Variants in ROBO2 observed in about 807,000 individuals in gnomAD.
ROBO2 encodes the protein roundabout guidance receptor 2.
Under a neutral mutation model 160.8 loss-of-function variants are expected in ROBO2, and 53 were observed. The ratio of observed to expected loss-of-function variants is 0.33; its 90% CI spans 0.26 to 0.41. The LOEUF (loss-of-function observed/expected upper bound fraction) is 0.41, where lower values mean the gene tolerates loss of function less well. ROBO2 is among the 10% of genes least tolerant of loss of function. ROBO2 has a pLI of 1.00. For missense variants in ROBO2, 1,577 were observed against 1,722.4 expected (o/e 0.92, Z 1.49); for synonymous variants, 664 against 611.7 (o/e 1.09, Z -1.26).
intron 2 of ROBO2, among the ~76,000 whole-genome samples, chr3:76,621,907 T>C (rs953085253): frequency 5.3e-5 from 8 of 152,142 alleles, no homozygotes; most frequent in African/African-American, 1.9e-4. Flanking sequence ...ACTATACAAA[T>C]ATCTCAGTGA....
intron 2 of ROBO2, among the ~76,000 whole-genome samples, chr3:76,421,736 A>AAG (rs1491301511): frequency 1.3e-5 from 2 of 151,508 alleles, no homozygotes; most frequent in African/African-American, 4.8e-5. Context: ...AAAAAAAAAA[A>AAG]GAAGATGGCA....
intron 2 of ROBO2, among the ~76,000 whole-genome samples, chr3:76,090,771 C>T (rs1261097595): frequency 1.3e-5 from 2 of 152,022 alleles, no homozygotes; most frequent in Non-Finnish European, 2.9e-5. Flanking sequence ...CGGAACGGAA[C>T]GGGAGAGCCC....
At chr3:76,899,634 A>T (rs971534837) in intron 2 of ROBO2, among the ~76,000 whole-genome samples, 4 of 152,076 alleles carry the variant, frequency 2.6e-5, no homozygotes, top group African/African-American at 9.7e-5. Flanking sequence ...TTTTTCATTT[A>T]TTAATCAAAC....
At chr3:77,106,897 G>A (rs1052952804) in intron 2 of ROBO2, among the ~76,000 whole-genome samples, 3 of 152,152 alleles carry the variant, frequency 2.0e-5, no homozygotes, top group African/African-American at 7.2e-5. Flanking sequence ...CCCCAGGTTG[G>A]GTTGTTTCTC....
intron 2 of ROBO2, among the ~76,000 whole-genome samples, chr3:77,268,794 T>C (rs1357829144): frequency 6.6e-6 from 1 of 152,192 alleles, no homozygotes; most frequent in Non-Finnish European, 1.5e-5. Context: ...TCCCCTTTTC[T>C]GGGCATGGCT....
At chr3:76,309,401 T>C (rs1210870844) in intron 2 of ROBO2, among the ~76,000 whole-genome samples, 2 of 152,240 alleles carry the variant, frequency 1.3e-5, no homozygotes, top group Non-Finnish European at 1.5e-5. Flanking sequence ...AGGGTGATTA[T>C]TGTTTCTAAA....
chr3:75,966,609 C>T (rs1559790461), intron 2 of ROBO2, among the ~76,000 whole-genome samples: 1 of 151,716 alleles, frequency 6.6e-6, no homozygotes, highest in East Asian at 2.0e-4. Context: ...TGGGTTTTCT[C>T]ACACAGAAAA....
At chr3:76,522,777 A>G (rs2081701949) in intron 2 of ROBO2, among the ~76,000 whole-genome samples, 1 of 152,014 alleles carries the variant, frequency 6.6e-6, no homozygotes, top group South Asian at 2.1e-4. Context: ...TTGATTATCA[A>G]TTGTTTCTCT....
intron 2 of ROBO2, among the ~76,000 whole-genome samples, chr3:76,671,447 C>T (rs147685445): frequency 0.016 from 2,498 of 152,202 alleles, 47 homozygotes; most frequent in Middle Eastern, 0.044. Flanking sequence ...CTCTTGAGTG[C>T]GTTTTAACAT....
In ROBO2 at chr3:76,883,221, A is replaced by G. The variant is rs569185366; in HGVS notation, c.110-214793A>G. 5.2e-4 allele frequency among the ~76,000 whole-genome samples: 79 copies of G among 152,282 alleles called. 2 individuals are homozygous for G. Among genetic ancestry groups the G allele is most frequent in the African/African-American group, 1.8e-3 (74 of 41,570 alleles). On this transcript the variant is annotated intron_variant, in intron 2 of 26. Transcript: ENST00000487694. ...ATGGCTGAACTAAAATCCTCATTGG[A>G]AAATTCTTGTATATTCTTTTAAAAG... is the stretch of plus-strand genomic sequence containing the variant.
intron 2 of ROBO2, among the ~76,000 whole-genome samples, chr3:76,534,218 A>G (rs957277589): frequency 7.2e-5 from 11 of 152,062 alleles, no homozygotes; most frequent in African/African-American, 2.4e-4. Context: ...TAATTTAGTA[A>G]ATTTCAGGTC....
intron 2 of ROBO2, among the ~76,000 whole-genome samples, chr3:76,069,011 G>T (rs1309321040): frequency 1.3e-5 from 2 of 149,280 alleles, no homozygotes; most frequent in African/African-American, 2.4e-5. Context: ...CAGAAGGGAT[G>T]ATTCTGGCAT....
intron 2 of ROBO2, among the ~76,000 whole-genome samples, chr3:76,335,460 G>A (rs1364956779): frequency 5.9e-5 from 9 of 152,056 alleles, no homozygotes; most frequent in Non-Finnish European, 1.3e-4. Context: ...GGGATTACAG[G>A]AGTGAGCCAC....
At chr3:76,603,350 AAATATATATATATATATATATATAT>A (rs1376864454) in intron 2 of ROBO2, among the ~76,000 whole-genome samples, 3 of 63,262 alleles carry the variant, frequency 4.7e-5, no homozygotes, top group African/African-American at 2.2e-4. Flanking sequence ...AAAAAAAAAA[AAATATATATATATATATATATATAT>A]ATATATATAT....
At chr3:76,699,151 G>A (rs976933540) in intron 2 of ROBO2, among the ~76,000 whole-genome samples, 1 of 152,116 alleles carries the variant, frequency 6.6e-6, no homozygotes, top group South Asian at 2.1e-4. Context: ...CTTTAACATT[G>A]TCAGTATCAG....
chr3:76,502,760 G>A (rs181361012), intron 2 of ROBO2, among the ~76,000 whole-genome samples: 1 of 152,124 alleles, frequency 6.6e-6, no homozygotes, highest in East Asian at 1.9e-4. Flanking sequence ...CGGTGGCATA[G>A]TTAATTATAA....
intron 2 of ROBO2, among the ~76,000 whole-genome samples, chr3:77,344,540 T>A (rs1201944380): frequency 2.0e-5 from 3 of 152,180 alleles, no homozygotes; most frequent in East Asian, 1.9e-4. Context: ...ATGCCATCTG[T>A]GGGCCAGACA....
chr3:76,473,036 T>C (rs2078750937), intron 2 of ROBO2, among the ~76,000 whole-genome samples: 4 of 152,124 alleles, frequency 2.6e-5, no homozygotes, highest in African/African-American at 7.2e-5. Flanking sequence ...AAAAGACGGC[T>C]CCATAAGGCT....
In ROBO2 at chr3:75,970,282, G is replaced by A. The variant is rs1379878094; in HGVS notation, c.109+32680G>A. ...ATAGACATATCCAATAGAATATACAGTTCGCAAGATTAAAAACAAGGTTTA... is the reference window on the plus strand; with the variant it reads ...ATAGACATATCCAATAGAATATACAATTCGCAAGATTAAAAACAAGGTTTA... On this transcript the variant is annotated intron_variant, in intron 2 of 26. Coordinates refer to the ROBO2 transcript ENST00000487694. Among the ~76,000 whole-genome samples the A allele has an allele frequency of 2.0e-5, 3 of 151,452 alleles. No individual in the cohort carries two copies. The East Asian group carries it at 5.9e-4, about 30-fold the overall frequency.
Sources: allele counts gnomAD v4.1 joint callset (sites outside exome capture counted in the v4.1 genomes callset), GRCh38; gene constraint gnomAD v4.1.1; transcripts MANE v1.5; gene names NCBI Gene and HGNC (gene_info 2026-07-23, HGNC 2026-07-21).